TTLL6: variants seen among roughly 807,000 people sequenced by gnomAD.
The protein encoded by TTLL6 is tubulin tyrosine ligase like 6.
In TTLL6, 75 loss-of-function variants were observed where a neutral mutation model predicts 96.4. The ratio of observed to expected loss-of-function variants is 0.78; its 90% CI spans 0.65 to 0.94. The LOEUF is 0.94. TTLL6 is among the 40% of genes least tolerant of loss of function. The probability of loss-of-function intolerance (pLI) is 0.00; values close to 1 mark genes in which losing one functional copy is unlikely to be tolerated. For synonymous variants in TTLL6, 411 were observed against 419.4 expected (o/e 0.98, Z 0.24); for missense variants, 1,030 against 1,093.0 (o/e 0.94, Z 0.81).
Position 48,801,568 on chromosome 17 carries a change from T to C in TTLL6, c.437A>G (p.Tyr146Cys). ...DDDWTLYWTDYSVSLERVMEM... is the reference protein window; with the variant it reads ...DDDWTLYWTDCSVSLERVMEM... ...CATCACCCGCTCCAGTGACACTGAG[T>C]AATCTGTCCAATAGAGAGTCCAGTC... is the stretch of plus-strand genomic sequence containing the variant. Residue 146 changes from tyrosine to cysteine, a missense_variant, in exon 4 of 16, where the codon TAC (tyrosine) becomes TGC (cysteine). Coordinates refer to ENST00000393382, the MANE Select transcript of TTLL6 (RefSeq NM_001130918.3). 3 of 1,551,860 alleles carry C rather than the reference T, an allele frequency of 1.9e-6. No homozygotes were observed. The highest frequency in any genetic ancestry group is 2.6e-6 in the Non-Finnish European group (3 of 1,147,024).
chr17:48,797,320 G>T, intron 6 of TTLL6, 116 bp from the exon 7 acceptor site: 1 of 1,134,208 alleles, frequency 8.8e-7, no homozygotes, highest in Admixed American at 2.6e-5. Context: ...GTGTTGTGGA[G>T]GGCAGGCTTG....
intron 2 of TTLL6, 83 bp from the exon 3 acceptor site, chr17:48,804,011 C>T: frequency 6.8e-7 from 1 of 1,474,618 alleles, no homozygotes; most frequent in Non-Finnish European, 9.2e-7. Flanking sequence ...ACATCCTGTC[C>T]CAGGTGGAGC....
At chr17:48,763,537 C>T (rs2038530461) in intron 15 of TTLL6, among the ~76,000 whole-genome samples, 2 of 152,196 alleles carry the variant, frequency 1.3e-5, no homozygotes, top group African/African-American at 4.8e-5. Context: ...TGGCTCATGC[C>T]TGTAATCCCA....
At chr17:48,769,394 C>T (rs2143176936) in intron 14 of TTLL6, 140 bp from the exon 15 acceptor site, 3 of 1,072,994 alleles carry the variant, frequency 2.8e-6, no homozygotes, top group South Asian at 3.4e-5. Flanking sequence ...AGCCATTGCT[C>T]CTTTTCTCCA....
chr17:48,791,392 G>T lies in TTLL6; in HGVS notation c.1210C>A (p.Pro404Thr). 1.2e-6 allele frequency: 2 copies of T among 1,614,106 alleles called. No individual in the cohort carries two copies. The highest frequency in any genetic ancestry group is 1.7e-6 in the Non-Finnish European group (2 of 1,179,996). The change falls in exon 9 of 16, where the codon CCC (proline) becomes ACC (threonine). Residue 404 changes from proline to threonine, a missense_variant. By Grantham distance (38) the Pro-to-Thr change is conservative (BLOSUM62 -1). Coordinates refer to ENST00000393382, the MANE Select transcript of TTLL6 (RefSeq NM_001130918.3). ...FDILLDHKLKPWLLEVNHSPS... is the reference protein window; with the variant it reads ...FDILLDHKLKTWLLEVNHSPS... ...AACTTCCCTACCTCCAGCAGCCAGG[G>T]TTTGAGTTTGTGGTCCAACAAAATG...
At chr17:48,776,972 G>T (rs911389297) in intron 13 of TTLL6, among the ~76,000 whole-genome samples, 4 of 147,196 alleles carry the variant, frequency 2.7e-5, no homozygotes, top group African/African-American at 1.0e-4. Context: ...TTCTATATAG[G>T]TTCAGTAATC....
intron 8 of TTLL6, among the ~76,000 whole-genome samples, 154 bp from the exon 9 acceptor site, chr17:48,791,757 G>A (rs1247114190): frequency 1.3e-5 from 2 of 152,234 alleles, no homozygotes; most frequent in South Asian, 2.1e-4. Context: ...GGGCTGTGTC[G>A]GTGCCAGATG....
At chr17:48,788,097 G>A in intron 10 of TTLL6, 98 bp from the exon 11 acceptor site, 1 of 1,106,176 alleles carries the variant, frequency 9.0e-7, no homozygotes, top group Non-Finnish European at 1.3e-6. Context: ...GCCAGATGGA[G>A]GCCTTGCACA....
At chr17:48,802,742 G>A (rs925230343) in intron 3 of TTLL6, among the ~76,000 whole-genome samples, 3 of 152,198 alleles carry the variant, frequency 2.0e-5, no homozygotes, top group Non-Finnish European at 4.4e-5. Context: ...ATGGTGGTGT[G>A]CACCTGTACT....
intron 12 of TTLL6, among the ~76,000 whole-genome samples, chr17:48,785,845 T>G (rs533071582): frequency 6.6e-6 from 1 of 152,240 alleles, no homozygotes; most frequent in Non-Finnish European, 1.5e-5. Flanking sequence ...CAGGAGTACA[T>G]GCACTCCTGA....
chr17:48,791,450 G>A lies in TTLL6; in HGVS notation c.1152C>T (p.Leu384=). ...NYHTCFPNHT[L]NSACFEILGF... ...CCAGGATCTCAAAGCAGGCGCTGTT[G>A]AGTGTGTGGTTGGGGAAGCAGGTGT... The change falls in exon 9 of 16, where the codon CTC becomes CTT. Residue 384 remains leucine, a synonymous_variant. Coordinates refer to ENST00000393382, the MANE Select transcript of TTLL6 (RefSeq NM_001130918.3). 6.2e-7 allele frequency: 1 copy of A among 1,614,236 alleles called. No homozygotes were observed. The highest frequency in any genetic ancestry group is 1.1e-5 in the South Asian group (1 of 91,086).
chr17:48,785,884 C>T (rs2039081528), intron 12 of TTLL6, among the ~76,000 whole-genome samples: 1 of 152,180 alleles, frequency 6.6e-6, no homozygotes, highest in Non-Finnish European at 1.5e-5. Context: ...GGTTCATGCT[C>T]AGCCTCCCAG....
At chr17:48,784,422 A>G (rs1015612163) in intron 13 of TTLL6, among the ~76,000 whole-genome samples, 2 of 152,036 alleles carry the variant, frequency 1.3e-5, no homozygotes, top group Admixed American at 6.6e-5. Flanking sequence ...AAAATAAGAT[A>G]CACAGAGGAG....
intron 13 of TTLL6, among the ~76,000 whole-genome samples, chr17:48,777,011 GAC>G (rs71369215): frequency 0.12 from 17,107 of 141,312 alleles, 1,752 homozygotes; most frequent in East Asian, 0.62. Context: ...CATAAGGATA[GAC>G]ACACACACAC....
chr17:48,810,829 A>G lies in TTLL6; in HGVS notation c.104-5838T>C, dbSNP rs113328693. The stretch of plus-strand genomic sequence containing the variant: ...ACACATATATAGTATGTGTGTGTAT[A>G]TATATATATATATATATATATATAT... On this transcript the variant is annotated intron_variant, in intron 1 of 15. Transcript: ENST00000393382. 1.0e-3 allele frequency among the ~76,000 whole-genome samples: 117 copies of G among 116,100 alleles called. 2 individuals are homozygous for G. Among genetic ancestry groups the G allele is most frequent in the African/African-American group, 4.2e-3 (104 of 24,932 alleles). 76.2% of individuals were successfully genotyped at this position (116,100 alleles called of 152,430 possible). A position where few individuals can be genotyped will look rare whatever the true frequency, so the allele number is the denominator to read the frequency against.
At chr17:48,784,451 C>T (rs1389262481) in intron 13 of TTLL6, among the ~76,000 whole-genome samples, 1 of 151,964 alleles carries the variant, frequency 6.6e-6, no homozygotes, top group African/African-American at 2.4e-5. Context: ...AGAAGAAAGC[C>T]ACATGACACC....
At chr17:48,803,758 G>T in intron 3 of TTLL6, 133 bp downstream of exon 3, 2 of 895,496 alleles carry the variant, frequency 2.2e-6, no homozygotes, top group Non-Finnish European at 1.7e-6. Context: ...AGTTCATTGA[G>T]CTAGGAGAAC....
chr17:48,797,071 G>A lies in TTLL6; in HGVS notation c.902C>T (p.Thr301Ile). Reference protein sequence around the residue: ...FATTSYSRPCTDNLDDICMHL... With the variant: ...FATTSYSRPCIDNLDDICMHL... ...GTCTCCTTAGCTCACCAGGTTGTCTGTGCAAGGGCGGGAGTAAGAGGTCGT... is the reference window on the plus strand; with the variant it reads ...GTCTCCTTAGCTCACCAGGTTGTCTATGCAAGGGCGGGAGTAAGAGGTCGT... Residue 301 changes from threonine (T) to isoleucine (I), a missense_variant, in exon 7 of 16, where the codon ACA (threonine) becomes ATA (isoleucine). By Grantham distance (89) the Thr-to-Ile change is moderately conservative. Transcript: ENST00000393382. 6.4e-7 allele frequency: 1 copy of A among 1,551,284 alleles called. No individual in the cohort carries two copies. The highest frequency in any genetic ancestry group is 8.7e-7 in the Non-Finnish European group (1 of 1,146,890).
chr17:48,786,120 G>A, intron 12 of TTLL6, 44 bp downstream of exon 12: 1 of 1,611,456 alleles, frequency 6.2e-7, no homozygotes, highest in Non-Finnish European at 8.5e-7. Context: ...AGGCCCAGGT[G>A]GGGAAGGGTG....
Sources: gnomAD v4.1 joint callset for allele counts (sites outside exome capture counted in the v4.1 genomes callset) on GRCh38, gnomAD v4.1.1 for gene constraint, MANE v1.5 for transcripts, NCBI Gene and HGNC (gene_info 2026-07-23, HGNC 2026-07-21) for gene names.